MAP4: variants seen among roughly 807,000 people sequenced by gnomAD.
MAP4 encodes the protein microtubule associated protein 4.
A neutral mutation model predicts 170.2 loss-of-function variants in MAP4; 76 were observed. The observed-to-expected ratio is 0.45, with a 90% CI of 0.37 to 0.54. The LOEUF is 0.54. Among genes scored for constraint, MAP4 ranks in the 20% least tolerant of loss-of-function variants. The pLI, the probability that MAP4 is intolerant of heterozygous loss-of-function variation, is 0.00. For missense variants in MAP4, 2,506 were observed against 2,748.0 expected, an observed-to-expected ratio of 0.91 and a Z score of 1.97; for synonymous variants, 909 against 994.5, an observed-to-expected ratio of 0.91 and a Z score of 1.62.
intron 5 of MAP4, among the ~76,000 whole-genome samples, chr3:47,919,613 C>T (rs1231236330): frequency 2.6e-5 from 4 of 152,140 alleles, no homozygotes; most frequent in Non-Finnish European, 4.4e-5. Context: ...CGGCCGACAA[C>T]GCAAACAAGT....
chr3:47,884,132 CTT>C (rs946252811), intron 10 of MAP4, among the ~76,000 whole-genome samples: 2 of 152,084 alleles, frequency 1.3e-5, no homozygotes, highest in African/African-American at 4.8e-5. Flanking sequence ...AATGTTAGAT[CTT>C]TTGTTATTGT....
At chr3:47,894,675 T>C (rs571402709) in intron 10 of MAP4, among the ~76,000 whole-genome samples, 1 of 152,300 alleles carries the variant, frequency 6.6e-6, no homozygotes, top group African/African-American at 2.4e-5. Context: ...TTTCTTTTTT[T>C]ATACATATAA....
chr3:47,911,385 CT>C lies in MAP4; in HGVS notation c.3035del (p.Glu1012GlyfsTer5). 2 of 1,536,080 alleles carry C rather than the reference CT, an allele frequency of 1.3e-6. No homozygotes were observed. Among genetic ancestry groups the C allele is most frequent in the Non-Finnish European group, 1.7e-6 (2 of 1,146,894 alleles). ...AAGCTTCCTTTTTTAGTTCTTTATC[CT>C]CTTCAGCTCCTTCAGGAAACTCCTT... ...KLKEFPEGAE[E>X]DKELKKEAFP... On this transcript the variant is annotated frameshift_variant, in exon 9 of 21. Coordinates refer to ENST00000683076, the MANE Select transcript of MAP4 (RefSeq NM_001385682.1). LOFTEE classifies it high-confidence loss of function. The surrounding 1 kb of genome is among the most constrained non-coding windows in gnomAD (Gnocchi z 4.0).
intron 1 of MAP4, among the ~76,000 whole-genome samples, chr3:48,077,139 C>T (rs1489946943): frequency 6.6e-6 from 1 of 150,778 alleles, no homozygotes; most frequent in East Asian, 2.0e-4. Flanking sequence ...AGAGCAAGAT[C>T]TTGTCTCAAA....
intron 1 of MAP4, among the ~76,000 whole-genome samples, chr3:48,060,342 G>T (rs996722153): frequency 2.6e-5 from 4 of 151,656 alleles, no homozygotes; most frequent in Admixed American, 2.6e-4. Flanking sequence ...AAGATTGATG[G>T]ATCATTAAAA....
At chr3:47,869,444 G>T (rs992324166) in intron 15 of MAP4, 117 bp from the exon 16 acceptor site, 88 of 695,084 alleles carry the variant, frequency 1.3e-4, no homozygotes, top group Non-Finnish European at 2.1e-4. Flanking sequence ...GGCAAAAGCA[G>T]GTGGCCTTTG....
chr3:47,989,600 G>A (rs1002103740), intron 2 of MAP4, among the ~76,000 whole-genome samples: 1 of 152,286 alleles, frequency 6.6e-6, no homozygotes, highest in Middle Eastern at 3.4e-3. Context: ...TAGAAAGGAA[G>A]AAGAGAAGCT....
intron 10 of MAP4, among the ~76,000 whole-genome samples, chr3:47,894,562 G>A (rs2593817): frequency 0.02 from 2,997 of 151,314 alleles, 99 homozygotes; most frequent in African/African-American, 0.069. Flanking sequence ...CAGCCTGGGC[G>A]ACAGGGCAAG....
chr3:48,058,332 A>G (rs2100133382), intron 1 of MAP4, among the ~76,000 whole-genome samples: 1 of 152,230 alleles, frequency 6.6e-6, no homozygotes, highest in African/African-American at 2.4e-5. Flanking sequence ...CTTAAAAAGT[A>G]CCATGTACAT....
At chr3:47,868,510 T>C (rs2084677640) in intron 16 of MAP4, among the ~76,000 whole-genome samples, 1 of 152,060 alleles carries the variant, frequency 6.6e-6, no homozygotes, top group Non-Finnish European at 1.5e-5. Flanking sequence ...TGCTGGTCCC[T>C]AAGGGCTGGA....
intron 15 of MAP4, among the ~76,000 whole-genome samples, chr3:47,869,986 A>G (rs2088532279): frequency 6.6e-6 from 1 of 152,146 alleles, no homozygotes; most frequent in South Asian, 2.1e-4. Context: ...TTCCAACAGC[A>G]CCAGGATTCC....
Position 48,030,078 on chromosome 3 carries a change from A to G in MAP4, c.-19-31199T>C, listed in dbSNP as rs887957550. Among the ~76,000 whole-genome samples, 3 of 148,142 alleles carry G rather than the reference A, an allele frequency of 2.0e-5. 1 individual carries two copies. The highest frequency in any genetic ancestry group is 1.4e-4 in the Admixed American group (2 of 14,726). ...TATTACATATTCACATGTAATATAT[A>G]TTATATATTTTATATATATGGCATT... On this transcript the variant is annotated intron_variant, in intron 1 of 18. Transcript: ENST00000360240.
At chr3:48,043,418 G>T (rs2100122693) in intron 1 of MAP4, among the ~76,000 whole-genome samples, 1 of 152,140 alleles carries the variant, frequency 6.6e-6, no homozygotes, top group Non-Finnish European at 1.5e-5. Flanking sequence ...TACACTTTAA[G>T]TGGGTGAATG....
intron 1 of MAP4, among the ~76,000 whole-genome samples, chr3:48,007,897 T>G (rs985925649): frequency 6.6e-6 from 1 of 152,118 alleles, no homozygotes; most frequent in African/African-American, 2.4e-5. Context: ...GGTCTCGATC[T>G]CTTGACCTTG....
chr3:48,053,677 T>G (rs1219557169), intron 1 of MAP4, among the ~76,000 whole-genome samples: 1 of 152,180 alleles, frequency 6.6e-6, no homozygotes, highest in Non-Finnish European at 1.5e-5. Context: ...AAAATGTACG[T>G]CGTTTATTTG....
At chr3:47,917,788 ACAG>A (rs945478476) in intron 6 of MAP4, among the ~76,000 whole-genome samples, 7 of 152,264 alleles carry the variant, frequency 4.6e-5, no homozygotes, top group Admixed American at 3.9e-4. Flanking sequence ...AATCTGTGGG[ACAG>A]CAGGTCAGTC....
intron 2 of MAP4, among the ~76,000 whole-genome samples, chr3:47,996,431 A>G (rs1180845461): frequency 6.6e-6 from 1 of 152,152 alleles, no homozygotes; most frequent in Admixed American, 6.5e-5. Flanking sequence ...AACTCTTCCG[A>G]TAAGAGAGAA....
rs1323996282 is a variant in MAP4, at chr3:47,912,307, C to T, written c.2114G>A (p.Gly705Asp). 9 of 1,536,158 alleles carry T rather than the reference C, an allele frequency of 5.9e-6. No homozygotes were observed. The highest frequency in any genetic ancestry group is 1.2e-5 in the South Asian group (1 of 84,060). ...PARVPPELLG[G>D]SPPWKTLDHR... ...ATCAAGAGTCTTCCATGGAGGAGAG[C>T]CTCCCAGCAGCTCAGGAGGGACCCT... Residue 705 changes from glycine to aspartate, a missense_variant, in exon 9 of 21, where the codon GGC (glycine) becomes GAC (aspartate). Physicochemically the swap from Gly to Asp is moderately conservative, Grantham distance 94. This residue lies in a region of MAP4 where 2,008 missense variants were observed against 2,206.0 expected (regional missense o/e 0.91). Transcript: ENST00000683076.
chr3:48,052,160 T>C (rs1579583695), intron 1 of MAP4, among the ~76,000 whole-genome samples: 1 of 151,746 alleles, frequency 6.6e-6, no homozygotes. Flanking sequence ...AATCTAGGAG[T>C]TGTGAGTGCA....
Sources: gnomAD v4.1 joint callset for allele counts (sites outside exome capture counted in the v4.1 genomes callset) on GRCh38, gnomAD v4.1.1 for gene constraint, gnomAD v4.1.1 regional missense constraint, Gnocchi (gnomAD v3.1) non-coding constraint, MANE v1.5 for transcripts, NCBI Gene and HGNC (gene_info 2026-07-23, HGNC 2026-07-21) for gene names.